EPM2A: variants seen among roughly 807,000 people sequenced by gnomAD.
EPM2A encodes EPM2A glucan phosphatase, laforin, also known as laforin.
A neutral mutation model predicts 26.5 loss-of-function variants in EPM2A; 21 were observed. The ratio of observed to expected loss-of-function variants is 0.79; its 90% CI spans 0.56 to 1.14. EPM2A has a LOEUF of 1.14. EPM2A is among the 50% of genes most tolerant of loss of function. EPM2A has a pLI of 0.00. For synonymous variants in EPM2A, 217 were observed against 177.6 expected, an observed-to-expected ratio of 1.22 and a Z score of -1.76; for missense variants, 458 against 440.8, an observed-to-expected ratio of 1.04 and a Z score of -0.35.
intron 1 of EPM2A, among the ~76,000 whole-genome samples, chr6:145,689,977 C>T (rs1486761216): frequency 6.6e-6 from 1 of 152,158 alleles, no homozygotes; most frequent in African/African-American, 2.4e-5. Context: ...CTCCTTCCCA[C>T]CCGACCATCA....
At chr6:145,601,681 T>C (rs1362607565) in intron 2 of EPM2A, among the ~76,000 whole-genome samples, 2 of 152,178 alleles carry the variant, frequency 1.3e-5, no homozygotes, top group Non-Finnish European at 2.9e-5. Context: ...CATCATGGAA[T>C]ATTAAAGGAA....
intron 4 of EPM2A, among the ~76,000 whole-genome samples, chr6:145,481,155 C>T (rs1000980619): frequency 2.6e-5 from 4 of 152,130 alleles, no homozygotes; most frequent in Admixed American, 2.0e-4. Context: ...CAACTGCCCT[C>T]AGGGCAACCT....
intron 4 of EPM2A, among the ~76,000 whole-genome samples, chr6:145,482,351 A>G (rs777164541): frequency 2.0e-5 from 3 of 152,150 alleles, no homozygotes; most frequent in African/African-American, 7.2e-5. Context: ...TCTTCTACAT[A>G]GTGAATATAA....
intron 2 of EPM2A, among the ~76,000 whole-genome samples, chr6:145,619,766 C>A (rs1016102546): frequency 4.6e-5 from 7 of 152,076 alleles, no homozygotes; most frequent in Non-Finnish European, 8.8e-5. Flanking sequence ...TCTAAAACAA[C>A]TCATAATTAT....
chr6:145,468,743 C>T (rs72998749), intron 4 of EPM2A, among the ~76,000 whole-genome samples: 1 of 152,000 alleles, frequency 6.6e-6, no homozygotes, highest in African/African-American at 2.4e-5. Flanking sequence ...TTGAGTAATA[C>T]CCCATCACAA....
At chr6:145,731,137 A>G (rs974120305) in intron 1 of EPM2A, among the ~76,000 whole-genome samples, 2 of 152,142 alleles carry the variant, frequency 1.3e-5, no homozygotes, top group African/African-American at 4.8e-5. Flanking sequence ...CCTCATGATC[A>G]AGTTCTTTTT....
At chr6:145,500,511 G>A (rs1413717585), downstream of EPM2A, among the ~76,000 whole-genome samples, 1 of 152,106 alleles carries the variant, frequency 6.6e-6, no homozygotes. Flanking sequence ...AGGACACAGA[G>A]GGCTCCTGAC....
rs9485010 is a variant in EPM2A at position 145,595,936 on chromosome 6, G to A, written c.340+39309C>T. On this transcript the variant is annotated intron_variant, in intron 2 of 3. Transcript: ENST00000450221. ...ATGTCAATGGAAACACCCCAGTGATGAATAATGTTGGCTGCTGATTTCTGG... is the reference window on the plus strand; with the variant it reads ...ATGTCAATGGAAACACCCCAGTGATAAATAATGTTGGCTGCTGATTTCTGG... Among the ~76,000 whole-genome samples the A allele has an allele frequency of 8.5e-3, 1,295 of 152,244 alleles. 19 individuals carry two copies. Among genetic ancestry groups the A allele is most frequent in the African/African-American group, 0.03 (1,240 of 41,560 alleles).
rs572828097 is a variant in EPM2A at position 145,707,469 on chromosome 6, G to C, written c.302-21173C>G. On this transcript the variant is annotated intron_variant, in intron 1 of 3. Transcript: ENST00000367519. ...CACCCAAACCACATCTTGAATTGTA[G>C]CTCCCATAATTTCCATGTGTCATGA... Among the ~76,000 whole-genome samples the C allele has an allele frequency of 4.6e-5, 7 of 152,272 alleles. No homozygotes were observed. In the South Asian group the frequency reaches 1.5e-3, roughly 32 times the overall value.
intron 4 of EPM2A, among the ~76,000 whole-genome samples, chr6:145,392,334 T>A (rs73575448): frequency 0.016 from 2,393 of 152,278 alleles, 62 homozygotes; most frequent in African/African-American, 0.055. Context: ...GAGTCTAATT[T>A]GAAACTTGAC....
downstream of EPM2A, among the ~76,000 whole-genome samples, chr6:145,501,418 G>T (rs1366066378): frequency 1.3e-5 from 2 of 152,186 alleles, no homozygotes; most frequent in Non-Finnish European, 2.9e-5. Flanking sequence ...TTGTCCTTTT[G>T]GTTGTCCCAA....
chr6:145,492,500 C>A (rs1180676642), intron 4 of EPM2A, among the ~76,000 whole-genome samples: 2 of 152,152 alleles, frequency 1.3e-5, no homozygotes, highest in Admixed American at 6.5e-5. Flanking sequence ...CCAGCAAGGG[C>A]AGAGGGTCAT....
Position 145,719,083 on chromosome 6 carries a change from A to T in EPM2A, c.301+16115T>A, listed in dbSNP as rs199565968. Among the ~76,000 whole-genome samples the T allele has an allele frequency of 2.7e-4, 41 of 152,298 alleles. No homozygotes were observed. The East Asian group carries it at 7.5e-3, about 28-fold the overall frequency. On this transcript the variant is annotated intron_variant, in intron 1 of 3. Coordinates refer to ENST00000367519, the MANE Select transcript of EPM2A (RefSeq NM_005670.4). ...GTGTGGCGATTCCTCACGGATCTAG[A>T]ACTAGAAATACCATTTGACCCAGCC...
intron 4 of EPM2A, among the ~76,000 whole-genome samples, chr6:145,484,032 A>C (rs548761459): frequency 6.6e-6 from 1 of 152,296 alleles, no homozygotes; most frequent in South Asian, 2.1e-4. Context: ...AGATATGTCT[A>C]TCTTGCTACA....
At chr6:145,725,610 A>T (rs907149606) in intron 1 of EPM2A, among the ~76,000 whole-genome samples, 13 of 152,110 alleles carry the variant, frequency 8.5e-5, no homozygotes, top group African/African-American at 2.9e-4. Context: ...TTACAGCTAC[A>T]GAAAAAAACA....
chr6:145,657,786 G>T (rs979750087), intron 2 of EPM2A, among the ~76,000 whole-genome samples: 2 of 152,268 alleles, frequency 1.3e-5, no homozygotes, highest in Admixed American at 6.5e-5. Flanking sequence ...ACAATTTCAA[G>T]TTCTAATCAA....
chr6:145,620,552 T>G (rs372975795), downstream of EPM2A, among the ~76,000 whole-genome samples: 1 of 152,222 alleles, frequency 6.6e-6, no homozygotes, highest in Non-Finnish European at 1.5e-5. Context: ...AATAAAAATA[T>G]ATAATTCCAC....
At chr6:145,496,574 C>G (rs1779822908) in intron 4 of EPM2A, among the ~76,000 whole-genome samples, 1 of 152,230 alleles carries the variant, frequency 6.6e-6, no homozygotes, top group South Asian at 2.1e-4. Context: ...TTCAGAAAGA[C>G]AGTCTTCAGG....
intron 2 of EPM2A, among the ~76,000 whole-genome samples, chr6:145,547,008 A>G (rs1036022398): frequency 1.3e-5 from 2 of 152,134 alleles, no homozygotes; most frequent in Non-Finnish European, 2.9e-5. Context: ...TAAATCAGGT[A>G]TGCATAAACA....
Sources: gnomAD v4.1 joint callset for allele counts (sites outside exome capture counted in the v4.1 genomes callset) on GRCh38, gnomAD v4.1.1 for gene constraint, MANE v1.5 for transcripts, NCBI Gene and HGNC (gene_info 2026-07-23, HGNC 2026-07-21) for gene names.